Variants in NRXN3 observed in about 807,000 individuals in gnomAD.
The protein encoded by NRXN3 is neurexin 3.
NRXN3 carries 32 observed loss-of-function variants against 137.6 expected under a neutral mutation model. That is an observed-to-expected ratio of 0.23 (90% CI 0.18 to 0.31). NRXN3 has a LOEUF of 0.31. Among genes scored for constraint, NRXN3 ranks in the 10% least tolerant of loss-of-function variants. The pLI, the probability that NRXN3 is intolerant of heterozygous loss-of-function variation, is 1.00. For missense variants in NRXN3, 1,574 were observed against 2,062.5 expected, an observed-to-expected ratio of 0.76 and a Z score of 4.59; for synonymous variants, 798 against 784.5, an observed-to-expected ratio of 1.02 and a Z score of -0.29.
In NRXN3 at chr14:78,323,667, G is replaced by A. The variant is rs74599907; in HGVS notation, c.757+25807G>A. ...AAAGACCAGACTGGAGGGAGCCTGT[G>A]GTCAGATCCTGTAGGCCCTCCCATC... On this transcript the variant is annotated intron_variant, in intron 4 of 20. Transcript: ENST00000335750. 3.6e-3 allele frequency among the ~76,000 whole-genome samples: 554 copies of A among 152,080 alleles called. 11 individuals are homozygous for A. Among genetic ancestry groups the A allele is most frequent in the African/African-American group, 0.013 (519 of 41,386 alleles).
intron 15 of NRXN3, among the ~76,000 whole-genome samples, chr14:79,166,985 TTAG>T (rs906700986): frequency 1.3e-5 from 2 of 152,028 alleles, no homozygotes; most frequent in Non-Finnish European, 2.9e-5. Flanking sequence ...TTTATCACTG[TTAG>T]TGGTGTTATC....
At position 78,582,023 on chromosome 14, in the gene NRXN3, T is replaced by A. The variant is rs186575699; in HGVS notation, c.758-63097T>A. ...CATAAGGTACTTATTAATTTTCGCA[T>A]CATCCTGCTTCATGTTGTTCTGTCC... On this transcript the variant is annotated intron_variant, in intron 4 of 20. Transcript: ENST00000335750. Among the ~76,000 whole-genome samples, 9 of 152,374 alleles carry A rather than the reference T, an allele frequency of 5.9e-5. No homozygotes were observed. The East Asian group carries it at 1.5e-3, about 26-fold the overall frequency.
intron 6 of NRXN3, among the ~76,000 whole-genome samples, chr14:78,653,041 A>C (rs977502125): frequency 6.6e-6 from 1 of 152,210 alleles, no homozygotes; most frequent in Non-Finnish European, 1.5e-5. Flanking sequence ...ATCATGTGCG[A>C]ATTGAGAGGA....
intron 6 of NRXN3, among the ~76,000 whole-genome samples, chr14:78,682,055 A>G (rs185564535): frequency 2.2e-3 from 329 of 152,038 alleles, no homozygotes; most frequent in African/African-American, 7.5e-3. Context: ...TTTAGTAGAG[A>G]TGCGGTTTCA....
intron 15 of NRXN3, among the ~76,000 whole-genome samples, chr14:79,087,526 C>A (rs937974726): frequency 1.3e-5 from 2 of 152,114 alleles, no homozygotes; most frequent in African/African-American, 4.8e-5. Flanking sequence ...AAACACAGAA[C>A]CAACAGTGCC....
intron 19 of NRXN3, among the ~76,000 whole-genome samples, chr14:79,706,889 G>A (rs1447032471): frequency 2.0e-5 from 3 of 151,994 alleles, no homozygotes; most frequent in Admixed American, 1.3e-4. Context: ...AGAGCTTGGC[G>A]CCTTTGCAGC....
intron 15 of NRXN3, among the ~76,000 whole-genome samples, chr14:79,084,907 AGAAG>A (rs1345268054): frequency 7.9e-5 from 12 of 152,166 alleles, no homozygotes; most frequent in African/African-American, 2.9e-4. Flanking sequence ...AAATGAACTT[AGAAG>A]TAAGTTTATA....
intron 16 of NRXN3, among the ~76,000 whole-genome samples, chr14:79,581,913 C>G (rs1360521485): frequency 6.6e-6 from 1 of 152,164 alleles, no homozygotes; most frequent in African/African-American, 2.4e-5. Flanking sequence ...AAGCACCCCT[C>G]TCAGGAAGTA....
At chr14:78,700,564 T>A (rs1464032732) in intron 6 of NRXN3, among the ~76,000 whole-genome samples, 5 of 151,958 alleles carry the variant, frequency 3.3e-5, no homozygotes, top group Non-Finnish European at 7.4e-5. Context: ...ACTAGTTCTA[T>A]CTCGGAGAAC....
intron 8 of NRXN3, among the ~76,000 whole-genome samples, chr14:78,725,127 C>T (rs2098477280): frequency 6.6e-6 from 1 of 152,188 alleles, no homozygotes; most frequent in Non-Finnish European, 1.5e-5. Context: ...GTGCGATTAG[C>T]ATGTTCCCCC....
intron 6 of NRXN3, among the ~76,000 whole-genome samples, chr14:78,667,684 A>G (rs904774427): frequency 6.6e-6 from 1 of 152,216 alleles, no homozygotes; most frequent in East Asian, 1.9e-4. Context: ...ACATAGGAAA[A>G]AAAACTCACT....
intron 15 of NRXN3, among the ~76,000 whole-genome samples, chr14:79,039,836 T>A (rs1488473274): frequency 6.6e-6 from 1 of 152,070 alleles, no homozygotes; most frequent in Admixed American, 6.6e-5. Context: ...GGACTATAGG[T>A]GCATGCCACC....
intron 4 of NRXN3, among the ~76,000 whole-genome samples, chr14:78,509,722 C>A (rs1053326449): frequency 6.6e-6 from 1 of 152,104 alleles, no homozygotes; most frequent in African/African-American, 2.4e-5. Context: ...ACATGGGTCT[C>A]TATTAGTCAC....
In NRXN3 at chr14:79,777,700, A is replaced by T. The variant is rs556241465; in HGVS notation, c.4015-27412A>T. Reference sequence around the variant, plus strand: ...TTCAGTGTTTTTCACTGAGCAAAATAGCTTGTCTGGTCCAAAGCCAGTAAA... The same window carrying T: ...TTCAGTGTTTTTCACTGAGCAAAATTGCTTGTCTGGTCCAAAGCCAGTAAA... On this transcript the variant is annotated intron_variant, in intron 19 of 20. Transcript: ENST00000335750. Among the ~76,000 whole-genome samples the T allele has an allele frequency of 3.9e-5, 6 of 152,148 alleles. No individual in the cohort carries two copies. In the South Asian group the frequency reaches 1.2e-3, roughly 32 times the overall value.
At chr14:78,239,952 C>G (rs2066868042) in intron 1 of NRXN3, among the ~76,000 whole-genome samples, 1 of 152,224 alleles carries the variant, frequency 6.6e-6, no homozygotes. Flanking sequence ...GATCCACCCA[C>G]CTCGGCCTCC....
chr14:78,197,355 G>A (rs768376681), intron 1 of NRXN3, among the ~76,000 whole-genome samples: 2 of 152,180 alleles, frequency 1.3e-5, no homozygotes, highest in Non-Finnish European at 2.9e-5. Context: ...TGCTTCTCTG[G>A]CTTTCTCCCA....
chr14:79,307,993 A>C (rs765700066), intron 15 of NRXN3, among the ~76,000 whole-genome samples: 26 of 152,050 alleles, frequency 1.7e-4, no homozygotes, highest in Non-Finnish European at 3.7e-4. Context: ...TTTGGTTTAT[A>C]AATGGTGATC....
chr14:79,188,979 C>T (rs552317378), intron 15 of NRXN3, among the ~76,000 whole-genome samples: 57 of 152,140 alleles, frequency 3.7e-4, no homozygotes, highest in African/African-American at 1.1e-3. Flanking sequence ...GTCAGTGTGG[C>T]GATTCTTCAG....
chr14:79,024,950 A>G (rs1184886626), intron 15 of NRXN3, among the ~76,000 whole-genome samples: 2 of 152,192 alleles, frequency 1.3e-5, no homozygotes, highest in African/African-American at 4.8e-5. Flanking sequence ...CTTTATAGAT[A>G]TTGAGACTCA....
Sources: gnomAD v4.1 joint callset for allele counts (sites outside exome capture counted in the v4.1 genomes callset) on GRCh38, gnomAD v4.1.1 for gene constraint, MANE v1.5 for transcripts, NCBI Gene and HGNC (gene_info 2026-07-23, HGNC 2026-07-21) for gene names.